ATP10A: variants seen among roughly 807,000 people sequenced by gnomAD.
The protein encoded by ATP10A is phospholipid-transporting ATPase VA.
ATP10A carries 111 observed loss-of-function variants against 147.8 expected under a neutral mutation model. That is an observed-to-expected ratio of 0.75 (90% CI 0.64 to 0.88). ATP10A has a LOEUF of 0.88. ATP10A is among the 40% of genes least tolerant of loss of function. The pLI, the probability that ATP10A is intolerant of heterozygous loss-of-function variation, is 0.00. For missense variants in ATP10A, 1,927 were observed against 1,959.0 expected, an observed-to-expected ratio of 0.98 and a Z score of 0.31; for synonymous variants, 875 against 841.6, an observed-to-expected ratio of 1.04 and a Z score of -0.69.
chr15:25,832,233 G>A (rs865913278), intron 1 of ATP10A, among the ~76,000 whole-genome samples: 4 of 152,198 alleles, frequency 2.6e-5, no homozygotes, highest in African/African-American at 7.2e-5. Flanking sequence ...CTGCCCACAC[G>A]CTGGTCTCAG....
At chr15:25,687,268 C>T (rs938802797) in intron 16 of ATP10A, among the ~76,000 whole-genome samples, 1 of 151,996 alleles carries the variant, frequency 6.6e-6, no homozygotes, top group African/African-American at 2.4e-5. Flanking sequence ...TAGAGGACTC[C>T]TGTTTGGGGA....
chr15:25,730,395 G>C (rs1483934266), intron 3 of ATP10A, among the ~76,000 whole-genome samples: 1 of 151,864 alleles, frequency 6.6e-6, no homozygotes, highest in African/African-American at 2.4e-5. Flanking sequence ...CTCCTAGAGA[G>C]GCAGCACTGG....
chr15:25,763,501 T>G (rs990466570), intron 2 of ATP10A, among the ~76,000 whole-genome samples: 7 of 152,198 alleles, frequency 4.6e-5, no homozygotes, highest in African/African-American at 1.7e-4. Context: ...TCCACGCACA[T>G]GAGTGTTAAT....
chr15:25,680,261 GA>G lies in ATP10A; in HGVS notation c.3725del (p.Phe1242SerfsTer5). The G allele has an allele frequency of 6.2e-7, 1 of 1,614,174 alleles. No individual in the cohort carries two copies. ...ACGCATTGTAAATCAAAGCCACGGT[GA>G]AAAACAAAAGGACACTGAAGCCACA... Reference protein sequence around the residue: ...ITCGFSVLLFFTVALIYNASC... With the variant: ...ITCGFSVLLFXTVALIYNASC... On this transcript the variant is annotated frameshift_variant, in exon 20 of 21. Transcript: ENST00000555815. LOFTEE classifies it high-confidence loss of function.
intron 1 of ATP10A, among the ~76,000 whole-genome samples, chr15:25,810,763 G>C (rs911684448): frequency 2.0e-5 from 3 of 152,048 alleles, no homozygotes; most frequent in Non-Finnish European, 4.4e-5. Context: ...AAAATAGCAC[G>C]CCAGGGATTC....
chr15:25,688,398 G>C (rs978322444), intron 15 of ATP10A, among the ~76,000 whole-genome samples: 1 of 152,198 alleles, frequency 6.6e-6, no homozygotes, highest in African/African-American at 2.4e-5. Flanking sequence ...GGCAGTGGCC[G>C]TGTGCAGGAG....
At chr15:25,701,733 T>A (rs577371246) in intron 13 of ATP10A, among the ~76,000 whole-genome samples, 183 bp downstream of exon 13, 2 of 152,266 alleles carry the variant, frequency 1.3e-5, no homozygotes, top group East Asian at 3.9e-4. Flanking sequence ...ATTCCTTTGG[T>A]ACTAAGAAAT....
intron 13 of ATP10A, among the ~76,000 whole-genome samples, chr15:25,696,336 C>G (rs893578585): frequency 6.6e-6 from 1 of 152,192 alleles, no homozygotes; most frequent in Admixed American, 6.5e-5. Context: ...CCAGGATGTG[C>G]GAAAGTGTGG....
chr15:25,817,624 CT>C (rs1198440134), intron 1 of ATP10A, among the ~76,000 whole-genome samples: 1 of 152,174 alleles, frequency 6.6e-6, no homozygotes, highest in Non-Finnish European at 1.5e-5. Context: ...ACAAATTATT[CT>C]TTCCTTTCCC....
chr15:25,741,247 G>A (rs1208861313), intron 2 of ATP10A, among the ~76,000 whole-genome samples: 2 of 152,172 alleles, frequency 1.3e-5, no homozygotes, highest in East Asian at 3.9e-4. Flanking sequence ...GTCAGAGGGT[G>A]ACGAATGCTT....
At position 25,718,338 on chromosome 15, in the gene ATP10A, C is replaced by T; in HGVS notation, c.1425G>A (p.Gly475=). Residue 475 remains glycine (G), a synonymous_variant, in exon 8 of 21, where the codon GGG becomes GGA. Transcript: ENST00000555815. ...TGCTGCCGCGCTGGGACACCGAGCCCCCTCTGGGCACCACCTCCTCCTCCT... is the reference window on the plus strand; with the variant it reads ...TGCTGCCGCGCTGGGACACCGAGCCTCCTCTGGGCACCACCTCCTCCTCCT... ...DSEEEEVVPR[G]GSVSQRGSIG... 1 of 1,610,618 alleles carries T rather than the reference C, an allele frequency of 6.2e-7. No homozygotes were observed. Among genetic ancestry groups the T allele is most frequent in the South Asian group, 1.1e-5 (1 of 90,714 alleles).
intron 1 of ATP10A, among the ~76,000 whole-genome samples, chr15:25,830,547 C>T (rs1393979293): frequency 6.6e-6 from 1 of 152,168 alleles, no homozygotes; most frequent in Non-Finnish European, 1.5e-5. Context: ...GATTCCTGAA[C>T]AGGCTCTCAG....
intron 1 of ATP10A, among the ~76,000 whole-genome samples, chr15:25,806,082 C>T (rs1045407522): frequency 1.1e-4 from 16 of 152,168 alleles, no homozygotes; most frequent in African/African-American, 3.6e-4. Context: ...GAAACAGCCA[C>T]AATTACACAG....
intron 2 of ATP10A, 60 bp downstream of exon 2, chr15:25,780,959 G>A: frequency 6.5e-7 from 1 of 1,548,818 alleles, no homozygotes; most frequent in Non-Finnish European, 8.9e-7. Context: ...CCAGAAGGCT[G>A]TCATGGGGAC....
Position 25,718,184 on chromosome 15 carries a change from T to G in ATP10A, c.1579A>C (p.Met527Leu). ...AGCAGGAGGCCCTGTACACTCACCA[T>G]GGGGCTGCTGAAGGCCGTGTGCTTG... is the stretch of plus-strand genomic sequence containing the variant. ...LSKHTAFSSPMEKDITPDPKL... is the reference protein window; with the variant it reads ...LSKHTAFSSPLEKDITPDPKL... The change falls in exon 8 of 21, where the codon ATG (methionine) becomes CTG (leucine). Residue 527 changes from methionine (M) to leucine (L), a missense_variant and splice_region_variant. Physicochemically the swap from Met to Leu is conservative, Grantham distance 15. Coordinates refer to ENST00000555815, the MANE Select transcript of ATP10A (RefSeq NM_024490.4). 6.2e-7 allele frequency: 1 copy of G among 1,612,796 alleles called. No individual in the cohort carries two copies. The highest frequency in any genetic ancestry group is 8.5e-7 in the Non-Finnish European group (1 of 1,179,816).
intron 2 of ATP10A, among the ~76,000 whole-genome samples, chr15:25,750,023 T>C (rs1238195880): frequency 2.0e-5 from 3 of 152,044 alleles, no homozygotes; most frequent in East Asian, 3.9e-4. Context: ...TCCCCAAAGA[T>C]GGGGAAGGGT....
At chr15:25,811,181 A>G (rs533163742) in intron 1 of ATP10A, among the ~76,000 whole-genome samples, 13 of 152,248 alleles carry the variant, frequency 8.5e-5, no homozygotes, top group Non-Finnish European at 1.8e-4. Context: ...AGAAGTCAGT[A>G]TCCAGGGGCA....
chr15:25,798,355 G>A (rs1012554985), intron 1 of ATP10A, among the ~76,000 whole-genome samples: 2 of 152,178 alleles, frequency 1.3e-5, no homozygotes, highest in African/African-American at 2.4e-5. Context: ...AGGCGTGGGG[G>A]AAACCAGTGC....
Position 25,823,945 on chromosome 15 carries a change from A to G in ATP10A, c.449+38703T>C, listed in dbSNP as rs375873926. ...AGGTCATGTGCGTTCTTTTGCACCT[A>G]TGCACCTCTGCAACTACAGCACAGA... On this transcript the variant is annotated intron_variant, in intron 1 of 20. Transcript: ENST00000555815. Among the ~76,000 whole-genome samples, 9 of 152,304 alleles carry G rather than the reference A, an allele frequency of 5.9e-5. No homozygotes were observed. In the East Asian group the frequency reaches 1.5e-3, roughly 26 times the overall value.
Sources: allele counts gnomAD v4.1 joint callset (sites outside exome capture counted in the v4.1 genomes callset), GRCh38; gene constraint gnomAD v4.1.1; transcripts MANE v1.5; gene names NCBI Gene and HGNC (gene_info 2026-07-23, HGNC 2026-07-21).